PPM1E: variants seen among roughly 807,000 people sequenced by gnomAD.
The protein encoded by PPM1E is protein phosphatase, Mg2+/Mn2+ dependent 1E, also known as protein phosphatase 1E.
A neutral mutation model predicts 65.9 loss-of-function variants in PPM1E; 20 were observed. That is an observed-to-expected ratio of 0.30 (90% CI 0.21 to 0.44). PPM1E has a LOEUF of 0.44. Ranked by LOEUF, PPM1E falls within the 20% of genes least tolerant of loss-of-function variation. PPM1E has a pLI of 1.00. For synonymous variants in PPM1E, 352 were observed against 374.9 expected (o/e 0.94, Z 0.70); for missense variants, 713 against 953.1 (o/e 0.75, Z 3.32).
chr17:58,949,176 G>A (rs1156451988), intron 1 of PPM1E, among the ~76,000 whole-genome samples: 1 of 152,144 alleles, frequency 6.6e-6, no homozygotes, highest in Non-Finnish European at 1.5e-5. Context: ...ATCTGGGTGT[G>A]CTGGTCTTAG....
At chr17:58,889,430 C>G (rs2051318878) in intron 1 of PPM1E, among the ~76,000 whole-genome samples, 1 of 152,104 alleles carries the variant, frequency 6.6e-6, no homozygotes, top group Non-Finnish European at 1.5e-5. Context: ...GAAACCCCAT[C>G]TCTACTAAAA....
intron 1 of PPM1E, among the ~76,000 whole-genome samples, chr17:58,901,704 C>T (rs533784616): frequency 1.5e-4 from 23 of 151,188 alleles, no homozygotes; most frequent in African/African-American, 4.9e-4. Context: ...AGGCCAGACG[C>T]GGTGGCTCAC....
intron 1 of PPM1E, among the ~76,000 whole-genome samples, chr17:58,902,470 A>G (rs1424244113): frequency 6.6e-6 from 1 of 152,092 alleles, no homozygotes; most frequent in Non-Finnish European, 1.5e-5. Flanking sequence ...AATAAAATAC[A>G]CCCATTAAGT....
intron 6 of PPM1E, 108 bp downstream of exon 6, chr17:58,973,033 C>A: frequency 1.5e-6 from 1 of 674,426 alleles, no homozygotes; most frequent in Non-Finnish European, 2.5e-6. Context: ...TACCAGAATG[C>A]TTATTATTCT....
intron 1 of PPM1E, among the ~76,000 whole-genome samples, chr17:58,866,474 T>G (rs2051005027): frequency 6.6e-6 from 1 of 152,232 alleles, no homozygotes; most frequent in African/African-American, 2.4e-5. Flanking sequence ...CAGCCCATCC[T>G]CCATGGGAGT....
At chr17:58,764,705 C>T (rs961580625) in intron 1 of PPM1E, among the ~76,000 whole-genome samples, 1 of 152,018 alleles carries the variant, frequency 6.6e-6, no homozygotes, top group African/African-American at 2.4e-5. Flanking sequence ...GCATCCTTGA[C>T]TTCCCAAGCT....
At position 58,972,848 on chromosome 17, in the gene PPM1E, T is replaced by C; in HGVS notation, c.1133T>C (p.Ile378Thr). The C allele has an allele frequency of 6.2e-7, 1 of 1,612,968 alleles. No individual in the cohort carries two copies. The highest frequency in any genetic ancestry group is 8.5e-7 in the Non-Finnish European group (1 of 1,179,056). Residue 378 changes from isoleucine to threonine, a missense_variant, in exon 6 of 7, where the codon ATT (isoleucine) becomes ACT (threonine). By Grantham distance (89) the Ile-to-Thr change is moderately conservative. Around this residue, in one of 6 missense-constraint regions of PPM1E, gnomAD observed 88 missense variants for 231.1 expected, o/e 0.38. Transcript: ENST00000308249. ...KPDREDEKQRIEALGGCVVWF... is the reference protein window; with the variant it reads ...KPDREDEKQRTEALGGCVVWF... ...GCTGTTTAGGATGAAAAGCAGAGAA[T>C]TGAGGCCCTTGGAGGTTGCGTAGTC...
chr17:58,860,331 G>A (rs948394527), intron 1 of PPM1E, among the ~76,000 whole-genome samples: 1 of 152,196 alleles, frequency 6.6e-6, no homozygotes, highest in African/African-American at 2.4e-5. Context: ...TCCATTTGGA[G>A]CTAGCCAGTA....
At chr17:58,958,488 G>A (rs1490272455) in intron 2 of PPM1E, among the ~76,000 whole-genome samples, 1 of 151,822 alleles carries the variant, frequency 6.6e-6, no homozygotes, top group Non-Finnish European at 1.5e-5. Context: ...CTGGGTTTAT[G>A]GTCGTGAGCC....
intron 1 of PPM1E, among the ~76,000 whole-genome samples, chr17:58,854,801 C>T (rs1018044797): frequency 3.3e-5 from 5 of 152,028 alleles, no homozygotes; most frequent in African/African-American, 1.2e-4. Context: ...AATTCTGTTT[C>T]TAGTATTTTG....
intron 1 of PPM1E, among the ~76,000 whole-genome samples, chr17:58,823,858 G>A (rs1198635044): frequency 1.3e-5 from 2 of 151,908 alleles, no homozygotes; most frequent in African/African-American, 2.4e-5. Context: ...AGCCTCCCGA[G>A]TAGCTGGAAC....
At position 58,823,166 on chromosome 17, in the gene PPM1E, C is replaced by T. The variant is rs570890562; in HGVS notation, c.464+66705C>T. Among the ~76,000 whole-genome samples the T allele has an allele frequency of 7.2e-5, 11 of 152,032 alleles. No individual in the cohort carries two copies. The South Asian group carries it at 1.9e-3, about 26-fold the overall frequency. On this transcript the variant is annotated intron_variant, in intron 1 of 6. Coordinates refer to ENST00000308249, the MANE Select transcript of PPM1E (RefSeq NM_014906.5). Reference sequence around the variant, plus strand: ...AGCACTTTTTAAACTATAAAGACAACGTATAAAAATGAGGTTTTCATTTCT... The same window carrying T: ...AGCACTTTTTAAACTATAAAGACAATGTATAAAAATGAGGTTTTCATTTCT...
At chr17:58,797,949 A>C (rs2050221441) in intron 1 of PPM1E, among the ~76,000 whole-genome samples, 1 of 152,210 alleles carries the variant, frequency 6.6e-6, no homozygotes, top group Non-Finnish European at 1.5e-5. Context: ...AAATGTAAAA[A>C]TAAATAAATA....
intron 2 of PPM1E, among the ~76,000 whole-genome samples, chr17:58,959,106 C>T (rs902310248): frequency 1.3e-5 from 2 of 151,390 alleles, no homozygotes; most frequent in Non-Finnish European, 2.9e-5. Context: ...GTTGGGAGTT[C>T]GAGACCAGCC....
chr17:58,966,418 T>TAAAAAAAAAAAAAAAAAAAAAAA (rs55779609), intron 3 of PPM1E: 2 of 120,378 alleles, frequency 1.7e-5, no homozygotes, highest in Non-Finnish European at 3.0e-5. Flanking sequence ...AGCAGTTTTG[T>TAAAAAAAAAAAAAAAAAAAAAAA]AAAAAAAAAA....
At chr17:58,900,907 A>C (rs2051490996) in intron 1 of PPM1E, among the ~76,000 whole-genome samples, 1 of 152,180 alleles carries the variant, frequency 6.6e-6, no homozygotes, top group Non-Finnish European at 1.5e-5. Flanking sequence ...ACATTATTCT[A>C]AGCACACAAT....
chr17:58,930,461 C>G (rs1284766524), intron 1 of PPM1E, among the ~76,000 whole-genome samples: 1 of 151,484 alleles, frequency 6.6e-6, no homozygotes, highest in Non-Finnish European at 1.5e-5. Context: ...GAGACCCTGT[C>G]TCAAAAAAAG....
At chr17:58,784,163 C>A (rs1398728522) in intron 1 of PPM1E, among the ~76,000 whole-genome samples, 1 of 151,928 alleles carries the variant, frequency 6.6e-6, no homozygotes, top group Non-Finnish European at 1.5e-5. Context: ...GCTGGGATTA[C>A]AGGTACGCAC....
chr17:58,957,672 G>C (rs2029897739), intron 2 of PPM1E, among the ~76,000 whole-genome samples: 1 of 152,014 alleles, frequency 6.6e-6, no homozygotes, highest in African/African-American at 2.4e-5. Flanking sequence ...AGTCCTCACT[G>C]AAGTGCCTTT....
Sources: gnomAD v4.1 joint callset for allele counts (sites outside exome capture counted in the v4.1 genomes callset) on GRCh38, gnomAD v4.1.1 for gene constraint, gnomAD v4.1.1 regional missense constraint, MANE v1.5 for transcripts, NCBI Gene and HGNC (gene_info 2026-07-23, HGNC 2026-07-21) for gene names.